TRPC6: variants seen among roughly 807,000 people sequenced by gnomAD.
TRPC6 encodes the protein short transient receptor potential channel 6.
Under a neutral mutation model 90.7 loss-of-function variants are expected in TRPC6, and 55 were observed. That is an observed-to-expected ratio of 0.61 (90% CI 0.49 to 0.76). The LOEUF is 0.76. Ranked by LOEUF, TRPC6 falls within the 30% of genes least tolerant of loss-of-function variation. The pLI is 0.00. For missense variants in TRPC6, 989 were observed against 1,122.7 expected (o/e 0.88, Z 1.70); for synonymous variants, 393 against 393.0 (o/e 1.00, Z 0.00).
intron 6 of TRPC6, 133 bp downstream of exon 6, chr11:101,476,168 C>G: frequency 1.4e-6 from 1 of 738,132 alleles, no homozygotes; most frequent in South Asian, 1.8e-5. Flanking sequence ...TATAGATGCT[C>G]ATTCTTCAGA....
intron 10 of TRPC6, among the ~76,000 whole-genome samples, chr11:101,464,297 T>A (rs1185002682): frequency 2.0e-5 from 3 of 152,216 alleles, no homozygotes; most frequent in South Asian, 2.1e-4. Context: ...GTTCTGTAGA[T>A]GTCTATTAGG....
chr11:101,525,339 T>C (rs956418779), intron 1 of TRPC6, among the ~76,000 whole-genome samples: 1 of 152,208 alleles, frequency 6.6e-6, no homozygotes, highest in Non-Finnish European at 1.5e-5. Context: ...AAGAGGAACA[T>C]AAATACCAAC....
chr11:101,472,008 A>G, intron 8 of TRPC6, 129 bp downstream of exon 8: 1 of 945,192 alleles, frequency 1.1e-6, no homozygotes, highest in Non-Finnish European at 1.6e-6. Context: ...TACTGGTCAA[A>G]CGAGTGTATA....
chr11:101,455,131 T>G, intron 10 of TRPC6, 30 bp from the exon 11 acceptor site: 1 of 1,549,602 alleles, frequency 6.5e-7, no homozygotes, highest in Non-Finnish European at 8.9e-7. Flanking sequence ...AGAAATGGAT[T>G]CCTACTTACA....
intron 1 of TRPC6, among the ~76,000 whole-genome samples, chr11:101,508,281 G>C (rs919827778): frequency 1.3e-5 from 2 of 151,896 alleles, no homozygotes; most frequent in Admixed American, 1.3e-4. Context: ...GATATTCTTT[G>C]CTTCTTTTTA....
At chr11:101,542,073 C>A (rs1861184910) in intron 1 of TRPC6, among the ~76,000 whole-genome samples, 1 of 143,346 alleles carries the variant, frequency 7.0e-6, no homozygotes, top group African/African-American at 2.7e-5. Flanking sequence ...AAGAACTATT[C>A]CTAGATAAAT....
chr11:101,466,772 CAAAA>C (rs970012452), intron 10 of TRPC6, among the ~76,000 whole-genome samples: 2 of 151,822 alleles, frequency 1.3e-5, no homozygotes, highest in African/African-American at 4.8e-5. Flanking sequence ...AACAAACAAA[CAAAA>C]AAAACTCCTG....
At position 101,583,620 on chromosome 11, in the gene TRPC6, G is replaced by T. The variant is rs188637002; in HGVS notation, c.-117C>A. 9.5e-6 allele frequency: 11 copies of T among 1,157,354 alleles called. No individual in the cohort carries two copies. The highest frequency in any genetic ancestry group is 1.6e-5 in the African/African-American group (1 of 61,294). The allele number at this position is 1,157,354 out of a possible 1,614,324, so 71.7% of individuals were successfully genotyped here. A position where few individuals can be genotyped will look rare whatever the true frequency, so the allele number is the denominator to read the frequency against. ...GGCCGAACTGGACCTGGGCAGACCGGTGCCCAGGGGACGACGGTGAAGCAG... is the reference window on the plus strand; with the variant it reads ...GGCCGAACTGGACCTGGGCAGACCGTTGCCCAGGGGACGACGGTGAAGCAG... On this transcript the variant is annotated 5_prime_UTR_variant, in exon 1 of 13. Coordinates refer to ENST00000344327, the MANE Select transcript of TRPC6 (RefSeq NM_004621.6).
intron 1 of TRPC6, among the ~76,000 whole-genome samples, chr11:101,560,321 G>T (rs1861685666): frequency 6.6e-6 from 1 of 151,168 alleles, no homozygotes. Context: ...AGAGAATTTT[G>T]GAACACAAGC....
chr11:101,466,509 A>G (rs1859149135), intron 10 of TRPC6, among the ~76,000 whole-genome samples: 1 of 152,234 alleles, frequency 6.6e-6, no homozygotes. Context: ...CTGTGTGGGT[A>G]AAACTGCCTA....
chr11:101,492,586 A>G (rs536639008), intron 2 of TRPC6, among the ~76,000 whole-genome samples: 1 of 152,196 alleles, frequency 6.6e-6, no homozygotes, highest in African/African-American at 2.4e-5. Context: ...CTGTCTAAAA[A>G]AAAAAGAGTA....
intron 1 of TRPC6, among the ~76,000 whole-genome samples, chr11:101,552,558 T>C (rs1861472649): frequency 6.6e-6 from 1 of 152,110 alleles, no homozygotes; most frequent in South Asian, 2.1e-4. Context: ...TCTTCAGACA[T>C]CTTTCTTCTG....
chr11:101,466,349 G>GTT (rs1267479825), intron 10 of TRPC6, among the ~76,000 whole-genome samples: 1 of 152,236 alleles, frequency 6.6e-6, no homozygotes, highest in Non-Finnish European at 1.5e-5. Context: ...GGAGATGAGG[G>GTT]TTTTATCTGT....
intron 10 of TRPC6, among the ~76,000 whole-genome samples, chr11:101,467,174 T>TTTTGTTTCTTCCACTCACTACTTCATTTA (rs1859169146): frequency 6.6e-6 from 1 of 152,312 alleles, no homozygotes; most frequent in East Asian, 1.9e-4. Flanking sequence ...GCAATCCTGT[T>TTTTGTTTCTTCCACTCACTACTTCATTTA]TTTGTTTCTT....
chr11:101,572,844 AC>A (rs1164317178), intron 1 of TRPC6, among the ~76,000 whole-genome samples: 7 of 152,064 alleles, frequency 4.6e-5, no homozygotes, highest in African/African-American at 1.7e-4. Context: ...AACTTCACAC[AC>A]TGGGGCCTTT....
intron 1 of TRPC6, among the ~76,000 whole-genome samples, chr11:101,577,105 G>A (rs1372680040): frequency 3.3e-5 from 5 of 152,192 alleles, no homozygotes; most frequent in African/African-American, 7.2e-5. Flanking sequence ...TTTGAAGGTG[G>A]TTTTTACACG....
chr11:101,476,506 G>C lies in TRPC6; in HGVS notation c.1539C>G (p.Ile513Met), dbSNP rs773987404. ...IGMIWAECKE[I>M]WTQGPKEYLF... ...AATATTCCTTGGGGCCCTGAGTCCA[G>C]ATTTCTTTACATTCAGCCCATATCA... is the stretch of plus-strand genomic sequence containing the variant. Residue 513 changes from isoleucine to methionine, a missense_variant, in exon 6 of 13, where the codon ATC becomes ATG. Physicochemically the swap from Ile to Met is conservative, Grantham distance 10 (BLOSUM62 1). This residue lies in a region of TRPC6 where 486 missense variants were observed against 591.9 expected (regional missense o/e 0.82). Coordinates refer to ENST00000344327, the MANE Select transcript of TRPC6 (RefSeq NM_004621.6). 1.2e-6 allele frequency: 2 copies of C among 1,614,068 alleles called. No individual in the cohort carries two copies. Among genetic ancestry groups the C allele is most frequent in the East Asian group, 2.2e-5 (1 of 44,870 alleles).
chr11:101,528,057 A>G (rs1479716142), intron 1 of TRPC6, among the ~76,000 whole-genome samples: 2 of 152,188 alleles, frequency 1.3e-5, no homozygotes, highest in Non-Finnish European at 2.9e-5. Flanking sequence ...TAGGTGACAG[A>G]GTGAGACTCC....
chr11:101,541,538 T>C (rs1479153271), intron 1 of TRPC6, among the ~76,000 whole-genome samples: 1 of 151,922 alleles, frequency 6.6e-6, no homozygotes, highest in Non-Finnish European at 1.5e-5. Flanking sequence ...ATTTTTTGTA[T>C]TTTTAGTACA....
Sources: allele counts gnomAD v4.1 joint callset (sites outside exome capture counted in the v4.1 genomes callset), GRCh38; gene constraint gnomAD v4.1.1; regional missense constraint gnomAD v4.1.1; transcripts MANE v1.5; gene names NCBI Gene and HGNC (gene_info 2026-07-23, HGNC 2026-07-21).